The following SFXN1 variants were observed in gnomAD, a reference collection of about 807,000 sequenced individuals.
The protein encoded by SFXN1 is sideroflexin 1, also known as sideroflexin-1.
SFXN1 carries 32 observed loss-of-function variants against 39.5 expected under a neutral mutation model. The observed-to-expected ratio is 0.81, with a 90% CI of 0.61 to 1.09. The LOEUF is 1.09. SFXN1 is among the 50% of genes least tolerant of loss of function. SFXN1 has a pLI of 0.00. For missense variants in SFXN1, 402 were observed against 407.1 expected (o/e 0.99, Z 0.11); for synonymous variants, 136 against 146.5 (o/e 0.93, Z 0.52).
At chr5:175,491,105 A>T (rs548257837) in intron 1 of SFXN1, among the ~76,000 whole-genome samples, 5 of 152,338 alleles carry the variant, frequency 3.3e-5, no homozygotes, top group African/African-American at 1.2e-4. Flanking sequence ...TTACTCAGAG[A>T]AAGAAATTAA....
At chr5:175,491,928 C>T in intron 1 of SFXN1, 167 bp from the exon 2 acceptor site, 2 of 473,762 alleles carry the variant, frequency 4.2e-6, no homozygotes, top group Non-Finnish European at 7.4e-6. Flanking sequence ...TATAGACAAA[C>T]TTAGCTTTGA....
intron 2 of SFXN1, among the ~76,000 whole-genome samples, chr5:175,495,177 A>G (rs1759811459): frequency 6.6e-6 from 1 of 152,224 alleles, no homozygotes; most frequent in Non-Finnish European, 1.5e-5. Flanking sequence ...TGAAGACATT[A>G]TGTTGAGTAA....
At chr5:175,500,982 T>A (rs1348982978) in intron 2 of SFXN1, among the ~76,000 whole-genome samples, 1 of 151,852 alleles carries the variant, frequency 6.6e-6, no homozygotes, top group Non-Finnish European at 1.5e-5. Flanking sequence ...AAATGGATAG[T>A]AGACCTAAAT....
chr5:175,510,269 A>G, intron 4 of SFXN1, 62 bp downstream of exon 4: 1 of 1,336,466 alleles, frequency 7.5e-7, no homozygotes, highest in Non-Finnish European at 1.1e-6. Context: ...TTAAGTGGTG[A>G]TACTCTCCTG....
intron 1 of SFXN1, among the ~76,000 whole-genome samples, chr5:175,491,144 T>C (rs973922547): frequency 6.6e-6 from 1 of 152,204 alleles, no homozygotes; most frequent in Admixed American, 6.5e-5. Flanking sequence ...TAATGGCTCT[T>C]TAGCCAGAAA....
chr5:175,526,284 ATGAT>A (rs2113371975), intron 10 of SFXN1, among the ~76,000 whole-genome samples: 1 of 152,196 alleles, frequency 6.6e-6, no homozygotes, highest in East Asian at 1.9e-4. Flanking sequence ...AACATTGCAA[ATGAT>A]TGATACGTTT....
Position 175,493,828 on chromosome 5 carries a change from C to T in SFXN1, c.164+1561C>T, listed in dbSNP as rs186945246. Among the ~76,000 whole-genome samples the T allele has an allele frequency of 2.1e-4, 32 of 151,872 alleles. No homozygotes were observed. The South Asian group carries it at 2.3e-3, about 11-fold the overall frequency. The stretch of plus-strand genomic sequence containing the variant: ...AGAACAGAGGTCGGCAAACTTTTTC[C>T]GTAAAGGGCCAGACGACAAGTATTT... On this transcript the variant is annotated intron_variant, in intron 2 of 10. Transcript: ENST00000321442.
chr5:175,524,110 A>T (rs1760963600), intron 10 of SFXN1: 1 of 37,240 alleles, frequency 2.7e-5, no homozygotes, highest in African/African-American at 1.5e-4. Flanking sequence ...TCTCAAAAAA[A>T]AAAAAAAAAA....
intron 10 of SFXN1, chr5:175,524,177 A>G (rs534705068): frequency 7.3e-4 from 98 of 134,520 alleles, no homozygotes; most frequent in African/African-American, 2.5e-3. Flanking sequence ...TATATCTCCA[A>G]TAAGTTACAT....
At chr5:175,493,411 AC>A in intron 2 of SFXN1, among the ~76,000 whole-genome samples, 1 of 152,330 alleles carries the variant, frequency 6.6e-6, no homozygotes, top group South Asian at 2.1e-4. Flanking sequence ...CAGAAGTGAC[AC>A]ATCAGAAGCA....
chr5:175,493,821 C>G lies in SFXN1; in HGVS notation c.164+1554C>G, dbSNP rs183588465. ...GGGGTGAAGAACAGAGGTCGGCAAA[C>G]TTTTTCCGTAAAGGGCCAGACGACA... On this transcript the variant is annotated intron_variant, in intron 2 of 10. Coordinates refer to ENST00000321442, the MANE Select transcript of SFXN1 (RefSeq NM_022754.7). 1.2e-4 allele frequency among the ~76,000 whole-genome samples: 19 copies of G among 152,010 alleles called. No individual in the cohort carries two copies. The East Asian group carries it at 3.1e-3, about 25-fold the overall frequency.
At chr5:175,479,199 T>A (rs2113240603) in intron 1 of SFXN1, among the ~76,000 whole-genome samples, 1 of 152,356 alleles carries the variant, frequency 6.6e-6, no homozygotes, top group South Asian at 2.1e-4. Flanking sequence ...CCTTGCATTT[T>A]CACGCTTTTC....
chr5:175,517,167 C>T (rs1056555334), intron 8 of SFXN1, among the ~76,000 whole-genome samples: 3 of 152,142 alleles, frequency 2.0e-5, no homozygotes, highest in East Asian at 1.9e-4. Context: ...TTTTCTCATG[C>T]GAAGGAGCTG....
At position 175,480,748 on chromosome 5, in the gene SFXN1, C is replaced by G. The variant is rs770970820; in HGVS notation, c.-10+2109C>G. ...ACAGCAAAGGTGGTAAGAGCAGACC[C>G]GTCATCAAACGTTGTTGTTCTGGAA... On this transcript the variant is annotated intron_variant, in intron 1 of 10. Transcript: ENST00000321442. Among the ~76,000 whole-genome samples the G allele has an allele frequency of 3.4e-5, 5 of 147,946 alleles. No individual in the cohort carries two copies. The East Asian group carries it at 9.7e-4, about 29-fold the overall frequency.
intron 8 of SFXN1, among the ~76,000 whole-genome samples, chr5:175,520,445 G>A (rs1760845703): frequency 6.6e-6 from 1 of 152,102 alleles, no homozygotes; most frequent in Admixed American, 6.6e-5. Context: ...AAGGCAGGAT[G>A]GGGTGCGGGG....
At chr5:175,493,570 G>A (rs1387648382) in intron 2 of SFXN1, among the ~76,000 whole-genome samples, 3 of 152,132 alleles carry the variant, frequency 2.0e-5, no homozygotes, top group Non-Finnish European at 2.9e-5. Flanking sequence ...GGAACCTTAC[G>A]AGAAAATAGT....
At chr5:175,521,344 T>C (rs1314987111) in intron 8 of SFXN1, among the ~76,000 whole-genome samples, 1 of 151,580 alleles carries the variant, frequency 6.6e-6, no homozygotes, top group East Asian at 1.9e-4. Flanking sequence ...AAAGACGAGG[T>C]GTAAAGTGGG....
intron 1 of SFXN1, among the ~76,000 whole-genome samples, chr5:175,480,919 G>T (rs1290308120): frequency 6.6e-6 from 1 of 152,192 alleles, no homozygotes; most frequent in African/African-American, 2.4e-5. Context: ...TTTTAAAAAG[G>T]GGGGAACAAA....
intron 7 of SFXN1, chr5:175,513,801 C>A (rs1760621393): frequency 2.2e-6 from 1 of 462,192 alleles, no homozygotes; most frequent in Non-Finnish European, 3.9e-6. Context: ...GTGGGTAGGG[C>A]AGCCGGGGAA....
Sources: gnomAD v4.1 joint callset for allele counts (sites outside exome capture counted in the v4.1 genomes callset) on GRCh38, gnomAD v4.1.1 for gene constraint, MANE v1.5 for transcripts, NCBI Gene and HGNC (gene_info 2026-07-23, HGNC 2026-07-21) for gene names.